TENM3: variants seen among roughly 807,000 people sequenced by gnomAD.
The protein encoded by TENM3 is teneurin-3.
In TENM3, 63 loss-of-function variants were observed where a neutral mutation model predicts 255.1. The observed-to-expected ratio is 0.25, with a 90% CI of 0.20 to 0.30. The LOEUF (loss-of-function observed/expected upper bound fraction) is 0.30, where lower values mean the gene tolerates loss of function less well. TENM3 is among the 10% of genes least tolerant of loss of function. The pLI, the probability that TENM3 is intolerant of heterozygous loss-of-function variation, is 1.00. For missense variants in TENM3, 2,929 were observed against 3,461.1 expected, an observed-to-expected ratio of 0.85 and a Z score of 3.86; for synonymous variants, 1,306 against 1,322.3, an observed-to-expected ratio of 0.99 and a Z score of 0.27.
intron 12 of TENM3, among the ~76,000 whole-genome samples, chr4:182,695,121 G>T (rs1393350623): frequency 6.6e-6 from 1 of 152,114 alleles, no homozygotes; most frequent in East Asian, 1.9e-4. Context: ...AATAACAGTG[G>T]ATATGGGGCA....
At chr4:181,707,533 A>G in the TENM3 span, among the ~76,000 whole-genome samples, 1 of 152,218 alleles carries the variant, frequency 6.6e-6, no homozygotes, top group Non-Finnish European at 1.5e-5. Context: ...GGATTTTGAG[A>G]AGTCCACAGC....
At chr4:181,706,271 T>G in the TENM3 span, among the ~76,000 whole-genome samples, 1 of 152,174 alleles carries the variant, frequency 6.6e-6, no homozygotes, top group Non-Finnish European at 1.5e-5. Context: ...GAGCTCATTT[T>G]CACTTAATTA....
the TENM3 span, among the ~76,000 whole-genome samples, chr4:181,751,674 A>G: frequency 6.6e-6 from 1 of 152,208 alleles, no homozygotes; most frequent in African/African-American, 2.4e-5. Flanking sequence ...CATCACACCA[A>G]GAACCAACAG....
chr4:181,754,779 A>G, the TENM3 span, among the ~76,000 whole-genome samples: 1 of 152,190 alleles, frequency 6.6e-6, no homozygotes, highest in Non-Finnish European at 1.5e-5. Flanking sequence ...ACAATTCTAA[A>G]GAGTTTCTAA....
the TENM3 span, among the ~76,000 whole-genome samples, chr4:181,541,688 G>T: frequency 0.041 from 6,168 of 152,222 alleles, 420 homozygotes; most frequent in African/African-American, 0.14. Context: ...CCTTAACTAC[G>T]CTCTTTCCAG....
At chr4:181,640,638 G>A in the TENM3 span, among the ~76,000 whole-genome samples, 1 of 152,192 alleles carries the variant, frequency 6.6e-6, no homozygotes, top group East Asian at 1.9e-4. Flanking sequence ...CCCTCCAGAC[G>A]AGTTCCCTAT....
the TENM3 span, among the ~76,000 whole-genome samples, chr4:181,508,483 C>G: frequency 1.3e-5 from 2 of 152,128 alleles, no homozygotes; most frequent in African/African-American, 4.8e-5. Flanking sequence ...TTAAGGTTGA[C>G]CATAGGGAGG....
the TENM3 span, among the ~76,000 whole-genome samples, chr4:181,836,802 C>T: frequency 3.9e-5 from 6 of 152,100 alleles, no homozygotes; most frequent in South Asian, 2.1e-4. Flanking sequence ...ATTTAATAAA[C>T]GTTCTTCTTT....
chr4:181,871,501 T>C, the TENM3 span, among the ~76,000 whole-genome samples: 1 of 152,110 alleles, frequency 6.6e-6, no homozygotes, highest in Admixed American at 6.6e-5. Flanking sequence ...ATTTTGTCTA[T>C]GAATAAAGAG....
chr4:182,195,522 C>G (rs980274117), intron 1 of TENM3, among the ~76,000 whole-genome samples: 3 of 152,038 alleles, frequency 2.0e-5, no homozygotes, highest in Admixed American at 6.6e-5. Context: ...CGCCTGTGGT[C>G]CCAGCTGCTC....
intron 12 of TENM3, among the ~76,000 whole-genome samples, chr4:182,713,598 T>C (rs1481605722): frequency 6.6e-6 from 1 of 152,230 alleles, no homozygotes; most frequent in Non-Finnish European, 1.5e-5. Context: ...CTTTTTGACA[T>C]CATTCATATC....
chr4:181,905,715 C>T, the TENM3 span: 849 of 216,750 alleles, frequency 3.9e-3, 3 homozygotes, highest in African/African-American at 0.019. Flanking sequence ...GGCACAACCA[C>T]GGCTCACCTT....
At chr4:182,659,868 A>G (rs778448834) in intron 6 of TENM3, among the ~76,000 whole-genome samples, 1 of 152,204 alleles carries the variant, frequency 6.6e-6, no homozygotes, top group Non-Finnish European at 1.5e-5. Context: ...ATACTGCAAT[A>G]TAAAAACAAT....
chr4:182,773,785 T>G (rs747536766), intron 23 of TENM3, 138 bp downstream of exon 23: 148 of 668,034 alleles, frequency 2.2e-4, no homozygotes, highest in Non-Finnish European at 3.1e-4. Flanking sequence ...TAATCTACAG[T>G]GTACATGTAA....
chr4:182,189,811 G>A (rs1168868295), intron 1 of TENM3, among the ~76,000 whole-genome samples: 2 of 152,186 alleles, frequency 1.3e-5, no homozygotes, highest in African/African-American at 4.8e-5. Flanking sequence ...CACAGTGGTG[G>A]CCTTCCTGAG....
At chr4:181,693,384 T>C in the TENM3 span, among the ~76,000 whole-genome samples, 1 of 152,262 alleles carries the variant, frequency 6.6e-6, no homozygotes, top group Non-Finnish European at 1.5e-5. Flanking sequence ...CCATCACCCA[T>C]AATTTTATGT....
chr4:182,505,604 G>A (rs887644551), intron 3 of TENM3, among the ~76,000 whole-genome samples: 5 of 151,788 alleles, frequency 3.3e-5, no homozygotes, highest in African/African-American at 7.3e-5. Context: ...TCAGCCTCCC[G>A]AGTAGCTGGG....
chr4:182,746,162 A>G (rs1761998570), intron 19 of TENM3, among the ~76,000 whole-genome samples: 2 of 152,228 alleles, frequency 1.3e-5, no homozygotes, highest in African/African-American at 2.4e-5. Flanking sequence ...GACAAGGTAT[A>G]TATGTGACAC....
At chr4:181,901,002 G>T in the TENM3 span, among the ~76,000 whole-genome samples, 1 of 152,108 alleles carries the variant, frequency 6.6e-6, no homozygotes, top group African/African-American at 2.4e-5. Flanking sequence ...CTTTCTTTCA[G>T]ATTGGAGCCC....
Sources: allele counts gnomAD v4.1 joint callset (sites outside exome capture counted in the v4.1 genomes callset), GRCh38; gene constraint gnomAD v4.1.1; transcripts MANE v1.5; gene names NCBI Gene and HGNC (gene_info 2026-07-23, HGNC 2026-07-21).